The following LTBP4 variants were observed in gnomAD, a reference collection of about 807,000 sequenced individuals.
LTBP4 encodes the protein latent-transforming growth factor beta-binding protein 4.
In LTBP4, 93 loss-of-function variants were observed where a neutral mutation model predicts 180.2. The ratio of observed to expected loss-of-function variants is 0.52; its 90% CI spans 0.44 to 0.61. The LOEUF (loss-of-function observed/expected upper bound fraction) is 0.61, where lower values mean the gene tolerates loss of function less well. LTBP4 is among the 20% of genes least tolerant of loss of function. The pLI is 0.00. For missense variants in LTBP4, 2,116 were observed against 2,256.5 expected (o/e 0.94, Z 1.26); for synonymous variants, 947 against 934.5 (o/e 1.01, Z -0.24).
intron 1 of LTBP4, among the ~76,000 whole-genome samples, chr19:40,602,145 TTGTGTGTGTGTGTGTGTG>T (rs751242257): frequency 1.3e-4 from 11 of 81,818 alleles, no homozygotes; most frequent in Non-Finnish European, 6.9e-5. Context: ...GAGACGGGGG[TTGTGTGTGTGTGTGTGTG>T]TGTGTGTGTG....
In LTBP4 at chr19:40,613,861, A is replaced by C. The variant is rs765484769; in HGVS notation, c.2558-55A>C. 8.6e-5 allele frequency: 138 copies of C among 1,610,582 alleles called. No homozygotes were observed. In the South Asian group the frequency reaches 8.7e-4, roughly 10 times the overall value. ...GAGGGGCGGTGGAGGGGTGTGGCCT[A>C]GAATGTTAGGCGGAGCGGGAGGTGG... On this transcript the variant is annotated intron_variant, in intron 17 of 29. Transcript: ENST00000396819. This position sits in a 1 kb window ranked among gnomAD's most constrained non-coding sequence, Gnocchi z 5.0.
chr19:40,597,188 C>T (rs935234001), upstream of LTBP4: 19 of 1,409,028 alleles, frequency 1.3e-5, no homozygotes, highest in African/African-American at 2.0e-4. Context: ...CTAGCCTGAC[C>T]CGCTGGACAG....
At chr19:40,610,395 G>A in intron 11 of LTBP4, 137 bp from the exon 12 acceptor site, 2 of 1,015,132 alleles carry the variant, frequency 2.0e-6, no homozygotes, top group Non-Finnish European at 2.8e-6. Context: ...GCCCCTCTCC[G>A]GCTGTCCTGG....
In LTBP4 at chr19:40,613,502, C is replaced by T. The variant is rs538698532; in HGVS notation, c.2530C>T (p.Pro844Ser). 6.3e-7 allele frequency: 1 copy of T among 1,577,594 alleles called. No homozygotes were observed. Among genetic ancestry groups the T allele is most frequent in the Non-Finnish European group, 8.6e-7 (1 of 1,162,574 alleles). The change falls in exon 17 of 30, where the codon CCC (proline) becomes TCC (serine). Residue 844 changes from proline (P) to serine (S), a missense_variant. Physicochemically the swap from Pro to Ser is moderately conservative, Grantham distance 74. Coordinates refer to ENST00000396819, the MANE Select transcript of LTBP4 (RefSeq NM_001042545.2). The surrounding 1 kb of genome is among the most constrained non-coding windows in gnomAD (Gnocchi z 5.0). ...FACTCAPGYR[P>S]GPRGASCLDV... ...CTGTACTTGTGCCCCTGGCTACCGA[C>T]CCGGACCCCGCGGAGCCTCTTGCCT...
Position 40,627,873 on chromosome 19 carries a change from G to A in LTBP4, c.4519+16G>A, listed in dbSNP as rs767899776. ...GCCTGCGTTGGTGAGGGCGGGCCCG[G>A]GGCCAGCATGCGCAGGGAGAGGCGA... On this transcript the variant is annotated intron_variant, in intron 29 of 29. Coordinates refer to ENST00000396819, the MANE Select transcript of LTBP4 (RefSeq NM_001042545.2). The A allele has an allele frequency of 5.2e-6, 8 of 1,552,326 alleles. No homozygotes were observed. Among genetic ancestry groups the A allele is most frequent in the Non-Finnish European group, 6.9e-6 (8 of 1,155,088 alleles).
Position 40,614,050 on chromosome 19 carries a change from C to A in LTBP4, c.2680+12C>A. 6.2e-7 allele frequency: 1 copy of A among 1,611,796 alleles called. No homozygotes were observed. The highest frequency in any genetic ancestry group is 8.5e-7 in the Non-Finnish European group (1 of 1,179,590). Reference sequence around the variant, plus strand: ...CGCCTCCTGCCTCGGTGAGAGGCCCCGCCCCGGCCTGATCCCTCCTCCCTT... The same window carrying A: ...CGCCTCCTGCCTCGGTGAGAGGCCCAGCCCCGGCCTGATCCCTCCTCCCTT... On this transcript the variant is annotated intron_variant, in intron 18 of 29. Coordinates refer to ENST00000396819, the MANE Select transcript of LTBP4 (RefSeq NM_001042545.2).
rs755035387 is a variant in LTBP4 at position 40,605,479 on chromosome 19, G to T, written c.517G>T (p.Val173Leu). The change falls in exon 3 of 30, where the codon GTG becomes TTG. Residue 173 changes from valine (V) to leucine (L), a missense_variant. By Grantham distance (32) the Val-to-Leu change is conservative. This residue lies in a region of LTBP4 where 469 missense variants were observed against 532.5 expected (regional missense o/e 0.88). Coordinates refer to ENST00000396819, the MANE Select transcript of LTBP4 (RefSeq NM_001042545.2). The surrounding 1 kb of genome is among the most constrained non-coding windows in gnomAD (Gnocchi z 5.5). Reference protein sequence around the residue: ...ASVVVHQVERVSGPWEEADAE... With the variant: ...ASVVVHQVERLSGPWEEADAE... ...GGTGGTGGTGCACCAGGTGGAGCGTGTGTCTGGCCCTTGGGAGGAGGCGGA... is the reference window on the plus strand; with the variant it reads ...GGTGGTGGTGCACCAGGTGGAGCGTTTGTCTGGCCCTTGGGAGGAGGCGGA... 4.6e-5 allele frequency: 74 copies of T among 1,612,282 alleles called. No homozygotes were observed. The Middle Eastern group carries it at 9.9e-4, about 22-fold the overall frequency.
In LTBP4 at chr19:40,613,257, C is replaced by A; in HGVS notation, c.2431+61C>A. ...GTAGGGCCTGGGTTCCAGGGCAAAG[C>A]CGGCTGGAAAGGTGGAGGCGGGACC... On this transcript the variant is annotated intron_variant, in intron 16 of 29. Coordinates refer to ENST00000396819, the MANE Select transcript of LTBP4 (RefSeq NM_001042545.2). The surrounding 1 kb of genome is among the most constrained non-coding windows in gnomAD (Gnocchi z 5.0). 1.3e-6 allele frequency: 2 copies of A among 1,543,316 alleles called. No individual in the cohort carries two copies. The highest frequency in any genetic ancestry group is 1.8e-6 in the Non-Finnish European group (2 of 1,141,044).
At chr19:40,604,479 C>A (rs1031788809) in intron 1 of LTBP4, among the ~76,000 whole-genome samples, 4 of 152,106 alleles carry the variant, frequency 2.6e-5, no homozygotes, top group African/African-American at 7.2e-5. Flanking sequence ...GCGGGGTCAG[C>A]GCCGTCTGGG....
chr19:40,606,226 G>A lies in LTBP4; in HGVS notation c.794-7G>A, dbSNP rs774205541. 5 of 1,581,440 alleles carry A rather than the reference G, an allele frequency of 3.2e-6. No homozygotes were observed. The highest frequency in any genetic ancestry group is 1.7e-4 in the Middle Eastern group (1 of 6,034). ...GTCCCTGGCCCACCCCTCTCCTCTC[G>A]CCACAGGGAACTCCGAAAGAGTGAG... On this transcript the variant is annotated splice_polypyrimidine_tract_variant and splice_region_variant and intron_variant, in intron 4 of 29. Transcript: ENST00000396819.
upstream of LTBP4, chr19:40,601,260 A>C (rs2081421186): frequency 4.9e-5 from 34 of 692,766 alleles, no homozygotes; most frequent in East Asian, 1.4e-4. Context: ...GCCGCCGGGG[A>C]GGGAGTGGTG....
In LTBP4 at chr19:40,629,432, C is replaced by T. The variant is rs770813716; in HGVS notation, c.4556C>T (p.Pro1519Leu). ...NECDEAEAAS[P>L]LCVNARCLNT... The stretch of plus-strand genomic sequence containing the variant: ...TGTGATGAGGCCGAGGCTGCCTCCC[C>T]GCTGTGCGTCAACGCGCGTTGCCTC... The change falls in exon 30 of 30, where the codon CCG (proline) becomes CTG (leucine). Residue 1519 changes from proline (P) to leucine (L), a missense_variant. Transcript: ENST00000396819. This position sits in a 1 kb window ranked among gnomAD's most constrained non-coding sequence, Gnocchi z 4.5. The T allele has an allele frequency of 2.5e-6, 4 of 1,612,678 alleles. No homozygotes were observed. The highest frequency in any genetic ancestry group is 2.2e-5 in the East Asian group (1 of 44,866).
intron 6 of LTBP4, 35 bp from the exon 7 acceptor site, chr19:40,607,330 C>A (rs1465472105): frequency 6.3e-7 from 1 of 1,591,734 alleles, no homozygotes; most frequent in South Asian, 1.1e-5. Flanking sequence ...CATTCCCAGC[C>A]CCGCCCTGAA....
At chr19:40,601,254 C>A, upstream of LTBP4, 1 of 712,928 alleles carries the variant, frequency 1.4e-6, no homozygotes, top group Non-Finnish European at 1.7e-6. Flanking sequence ...CGCGCGGCCG[C>A]CGGGGAGGGA....
rs1419960668 is a variant in LTBP4 at position 40,622,912 on chromosome 19, G to A, written c.3485-38G>A. 14 of 1,601,850 alleles carry A rather than the reference G, an allele frequency of 8.7e-6. No individual in the cohort carries two copies. The highest frequency in any genetic ancestry group is 1.2e-5 in the Non-Finnish European group (14 of 1,171,644). ...CGAGCAGGTCAGGGCTGGGGCTGGG[G>A]CTCTGGTGTCCTGGCTCAGGCTTGT... On this transcript the variant is annotated intron_variant, in intron 23 of 29. Coordinates refer to ENST00000396819, the MANE Select transcript of LTBP4 (RefSeq NM_001042545.2). The surrounding 1 kb of genome is among the most constrained non-coding windows in gnomAD (Gnocchi z 5.1).
At chr19:40,607,292 CTCT>C in intron 6 of LTBP4, 70 bp from the exon 7 acceptor site, 1 of 1,351,142 alleles carries the variant, frequency 7.4e-7, no homozygotes, top group South Asian at 1.3e-5. Flanking sequence ...AACCATTCCC[CTCT>C]CTCCCAAATC....
At position 40,613,938 on chromosome 19, in the gene LTBP4, G is replaced by T. The variant is rs2081527720; in HGVS notation, c.2580G>T (p.Glu860Asp). ...CAGACGTTGACGAGTGCAGCGAGGA[G>T]GACCTTTGCCAGAGCGGCATCTGTA... ...SCLDVDECSE[E>D]DLCQSGICTN... Residue 860 changes from glutamate to aspartate, a missense_variant, in exon 18 of 30, where the codon GAG (glutamate) becomes GAT (aspartate). Physicochemically the swap from Glu to Asp is conservative, Grantham distance 45. Around this residue, in one of 5 missense-constraint regions of LTBP4, gnomAD observed 877 missense variants for 873.6 expected, o/e 1.00. Coordinates refer to ENST00000396819, the MANE Select transcript of LTBP4 (RefSeq NM_001042545.2). The surrounding 1 kb of genome is among the most constrained non-coding windows in gnomAD (Gnocchi z 5.0). 2 of 1,613,666 alleles carry T rather than the reference G, an allele frequency of 1.2e-6. No homozygotes were observed. The highest frequency in any genetic ancestry group is 1.7e-6 in the Non-Finnish European group (2 of 1,179,812).
intron 11 of LTBP4, 45 bp from the exon 12 acceptor site, chr19:40,610,487 C>T (rs751261398): frequency 2.6e-6 from 4 of 1,559,524 alleles, no homozygotes; most frequent in Non-Finnish European, 2.6e-6. Flanking sequence ...TCGCTTCTCC[C>T]GGGGCTGTCT....
rs964369799 is a variant in LTBP4 at position 40,611,526 on chromosome 19, C to T, written c.2053+132C>T. 8.5e-6 allele frequency: 11 copies of T among 1,294,836 alleles called. No homozygotes were observed. Among genetic ancestry groups the T allele is most frequent in the African/African-American group, 5.9e-5 (4 of 67,504 alleles). The allele number at this position is 1,294,836 out of a possible 1,614,324, so 80.2% of individuals were successfully genotyped here. A position where few individuals can be genotyped will look rare whatever the true frequency, so the allele number is the denominator to read the frequency against. On this transcript the variant is annotated intron_variant, in intron 13 of 29. Coordinates refer to ENST00000396819, the MANE Select transcript of LTBP4 (RefSeq NM_001042545.2). This position sits in a 1 kb window ranked among gnomAD's most constrained non-coding sequence, Gnocchi z 4.4. Reference sequence around the variant, plus strand: ...CAGGGGCTGAGGGATGGGGACCTCACTCCAGAGTCTTCTCTCCTTTCAACA... The same window carrying T: ...CAGGGGCTGAGGGATGGGGACCTCATTCCAGAGTCTTCTCTCCTTTCAACA...
Sources: allele counts gnomAD v4.1 joint callset (sites outside exome capture counted in the v4.1 genomes callset), GRCh38; gene constraint gnomAD v4.1.1; regional missense constraint gnomAD v4.1.1; non-coding constraint Gnocchi (gnomAD v3.1); transcripts MANE v1.5; gene names NCBI Gene and HGNC (gene_info 2026-07-23, HGNC 2026-07-21).